The following GLIS3 variants were observed in gnomAD, a reference collection of about 807,000 sequenced individuals.
GLIS3 encodes zinc finger protein GLIS3.
A neutral mutation model predicts 78.6 loss-of-function variants in GLIS3; 53 were observed. The ratio of observed to expected loss-of-function variants is 0.67; its 90% CI spans 0.54 to 0.85. The LOEUF (loss-of-function observed/expected upper bound fraction) is 0.85. Among genes scored for constraint, GLIS3 ranks in the 40% least tolerant of loss-of-function variants. The pLI is 0.00. For missense variants in GLIS3, 1,703 were observed against 1,231.1 expected, an observed-to-expected ratio of 1.38 and a Z score of -5.74; for synonymous variants, 684 against 509.9, an observed-to-expected ratio of 1.34 and a Z score of -4.60.
intron 2 of GLIS3, among the ~76,000 whole-genome samples, chr9:4,190,077 T>C (rs1281766341): frequency 6.6e-6 from 1 of 151,854 alleles, no homozygotes; most frequent in African/African-American, 2.4e-5. Flanking sequence ...ACCACAAAGA[T>C]GGGGAAAAAA....
At chr9:4,183,308 G>A (rs1232957846) in intron 2 of GLIS3, among the ~76,000 whole-genome samples, 4 of 152,134 alleles carry the variant, frequency 2.6e-5, no homozygotes, top group Non-Finnish European at 5.9e-5. Flanking sequence ...TTTTAAGGAT[G>A]CAACATTAAC....
At chr9:4,389,536 G>C in the GLIS3 span, among the ~76,000 whole-genome samples, 1 of 152,140 alleles carries the variant, frequency 6.6e-6, no homozygotes, top group Non-Finnish European at 1.5e-5. Context: ...ATTTCCAAAG[G>C]TTCTTGGATC....
rs573340041 is a variant in GLIS3 at position 4,175,241 on chromosome 9, TA to T, written c.389-49301del. Among the ~76,000 whole-genome samples, 51 of 152,308 alleles carry T rather than the reference TA, an allele frequency of 3.3e-4. No individual in the cohort carries two copies. The South Asian group carries it at 0.01, about 30-fold the overall frequency. ...TTATTAAAAGCAAATGCACTGAAGGTAATATCAAAATCTGTTGATAATGTTA... is the reference window on the plus strand; with the variant it reads ...TTATTAAAAGCAAATGCACTGAAGGTATATCAAAATCTGTTGATAATGTTA... On this transcript the variant is annotated intron_variant, in intron 2 of 10. Transcript: ENST00000381971.
At chr9:4,189,943 C>G (rs1818176573) in intron 2 of GLIS3, among the ~76,000 whole-genome samples, 1 of 152,048 alleles carries the variant, frequency 6.6e-6, no homozygotes, top group Non-Finnish European at 1.5e-5. Flanking sequence ...GGACCTCTAG[C>G]AAACTCCAAG....
At chr9:4,408,483 C>T in the GLIS3 span, among the ~76,000 whole-genome samples, 402 of 150,800 alleles carry the variant, frequency 2.7e-3, no homozygotes, top group Admixed American at 4.6e-3. Flanking sequence ...AATCCCAGCA[C>T]TTTTGGAGGC....
intron 6 of GLIS3, among the ~76,000 whole-genome samples, chr9:3,913,264 A>C (rs1174801486): frequency 6.6e-6 from 1 of 152,206 alleles, no homozygotes; most frequent in African/African-American, 2.4e-5. Flanking sequence ...AATTTTAAAA[A>C]TACCTACTTC....
intron 4 of GLIS3, among the ~76,000 whole-genome samples, chr9:3,981,882 T>C (rs1316135973): frequency 6.6e-6 from 1 of 152,178 alleles, no homozygotes; most frequent in Admixed American, 6.5e-5. Flanking sequence ...TTCAAAACCC[T>C]GAGAGCTACT....
chr9:4,467,441 G>A, the GLIS3 span, among the ~76,000 whole-genome samples: 1 of 152,124 alleles, frequency 6.6e-6, no homozygotes, highest in African/African-American at 2.4e-5. Flanking sequence ...GCTTCTAGAG[G>A]AAAGATCAGG....
At chr9:3,842,913 C>T (rs1192332665) in intron 9 of GLIS3, among the ~76,000 whole-genome samples, 2 of 152,166 alleles carry the variant, frequency 1.3e-5, no homozygotes, top group Admixed American at 6.5e-5. Context: ...GGGCAGGCTC[C>T]CAGCCCTTTC....
chr9:4,015,843 C>T (rs796896672), intron 4 of GLIS3, among the ~76,000 whole-genome samples: 1 of 139,784 alleles, frequency 7.2e-6, no homozygotes, highest in Non-Finnish European at 1.5e-5. Context: ...GAGCTGAGAT[C>T]ACGCCATTGC....
chr9:4,375,375 T>C, the GLIS3 span, among the ~76,000 whole-genome samples: 2 of 152,192 alleles, frequency 1.3e-5, no homozygotes, highest in African/African-American at 4.8e-5. Context: ...ATATATCAAA[T>C]TATAGTATAT....
At chr9:4,037,891 T>C (rs1824467487) in intron 4 of GLIS3, among the ~76,000 whole-genome samples, 1 of 152,118 alleles carries the variant, frequency 6.6e-6, no homozygotes, top group Admixed American at 6.6e-5. Context: ...GGTGTTTTCC[T>C]GGGAATATTT....
intron 7 of GLIS3, 54 bp downstream of exon 7, chr9:3,898,637 G>A (rs758719598): frequency 1.9e-6 from 3 of 1,607,332 alleles, no homozygotes; most frequent in Admixed American, 3.3e-5. Flanking sequence ...TTTAACCAGA[G>A]TAAAAGGCCT....
At chr9:4,124,957 C>T (rs1586741803) in intron 3 of GLIS3, among the ~76,000 whole-genome samples, 1 of 152,294 alleles carries the variant, frequency 6.6e-6, no homozygotes, top group Admixed American at 6.5e-5. Flanking sequence ...AGACCTTAAA[C>T]ACTGTACAGT....
intron 9 of GLIS3, among the ~76,000 whole-genome samples, chr9:3,836,255 C>G (rs1818345313): frequency 1.3e-5 from 2 of 152,212 alleles, no homozygotes. Context: ...TTGGCAGCCC[C>G]TCAGTTTCTT....
intron 4 of GLIS3, among the ~76,000 whole-genome samples, chr9:3,973,551 G>A (rs530982670): frequency 6.6e-6 from 1 of 152,252 alleles, no homozygotes; most frequent in South Asian, 2.1e-4. Flanking sequence ...CTCTTTGGGC[G>A]AAGTCAAGTT....
chr9:4,406,278 T>A, the GLIS3 span, among the ~76,000 whole-genome samples: 6 of 152,214 alleles, frequency 3.9e-5, no homozygotes, highest in African/African-American at 1.4e-4. Flanking sequence ...AAGGAAGAAG[T>A]CAAATTATCC....
intron 2 of GLIS3, among the ~76,000 whole-genome samples, chr9:4,150,223 G>A (rs1834563393): frequency 6.6e-6 from 1 of 152,144 alleles, no homozygotes; most frequent in African/African-American, 2.4e-5. Context: ...CTGAAAGGGG[G>A]TCTTTTCTAA....
chr9:4,286,795 A>AC (rs1331567609), intron 1 of GLIS3, among the ~76,000 whole-genome samples: 4 of 152,136 alleles, frequency 2.6e-5, no homozygotes, highest in African/African-American at 9.7e-5. Flanking sequence ...ACAACAATCT[A>AC]CTGGTGCCAG....
Sources: allele counts gnomAD v4.1 joint callset (sites outside exome capture counted in the v4.1 genomes callset), GRCh38; gene constraint gnomAD v4.1.1; transcripts MANE v1.5; gene names NCBI Gene and HGNC (gene_info 2026-07-23, HGNC 2026-07-21).